Variants in NSMCE4A observed in about 807,000 individuals in gnomAD.
NSMCE4A encodes non-structural maintenance of chromosomes element 4 homolog A.
In NSMCE4A, 40 loss-of-function variants were observed where a neutral mutation model predicts 47.9. That is an observed-to-expected ratio of 0.83 (90% confidence interval 0.65 to 1.09). NSMCE4A has a LOEUF of 1.09. Ranked by LOEUF, NSMCE4A falls within the 50% of genes least tolerant of loss-of-function variation. The pLI is 0.00. For missense variants in NSMCE4A, 500 were observed against 507.0 expected (o/e 0.99, Z 0.13); for synonymous variants, 166 against 178.5 (o/e 0.93, Z 0.56).
In NSMCE4A at chr10:121,975,142, G is replaced by A; in HGVS notation, c.24C>T (p.Arg8=). Residue 8 remains arginine (R), a synonymous_variant, in exon 1 of 11, where the codon CGC becomes CGT. Coordinates refer to ENST00000369023, the MANE Select transcript of NSMCE4A (RefSeq NM_017615.3). The part of the protein sequence containing the change: MSGDSSG[R]GPEGRGRGRD... ...GGCCCCGGCCCCGGCCCTCTGGCCC[G>A]CGGCCGCTGCTGTCCCCAGACATAG... 1 of 1,406,992 alleles carries A rather than the reference G, an allele frequency of 7.1e-7. No homozygotes were observed. Among genetic ancestry groups the A allele is most frequent in the East Asian group, 3.0e-5 (1 of 32,878 alleles). The allele number at this position is 1,406,992 out of a possible 1,614,324, so 87.2% of individuals were successfully genotyped here.
intron 6 of NSMCE4A, 149 bp downstream of exon 6, chr10:121,963,089 A>G (rs1448148498): frequency 4.7e-6 from 2 of 427,304 alleles, no homozygotes; most frequent in East Asian, 6.9e-5. Context: ...AAGTTTTCAC[A>G]TGAAATTTCT....
rs11200287 is a variant in NSMCE4A, at chr10:121,961,518, C to T, written c.845-1G>A. ...TCAAAGAAGGACATTGGGGTATCAG[C>T]TATAGACAAAAAGAGAAAAAAAAAT... On this transcript the variant is annotated splice_acceptor_variant, in intron 6 of 10. Transcript: ENST00000369023. LOFTEE classifies it high-confidence loss of function. The T allele has an allele frequency of 6.5e-7, 1 of 1,545,252 alleles. No individual in the cohort carries two copies. The highest frequency in any genetic ancestry group is 8.7e-7 in the Non-Finnish European group (1 of 1,155,916).
chr10:121,963,795 G>A (rs896425541), intron 5 of NSMCE4A, among the ~76,000 whole-genome samples: 3 of 151,958 alleles, frequency 2.0e-5, no homozygotes, highest in African/African-American at 7.3e-5. Context: ...CAGGAGAATG[G>A]CATGAACCCG....
At chr10:121,971,574 T>C (rs1423113209) in intron 2 of NSMCE4A, among the ~76,000 whole-genome samples, 1 of 152,214 alleles carries the variant, frequency 6.6e-6, no homozygotes, top group Non-Finnish European at 1.5e-5. Context: ...TAATGAAAGC[T>C]GACCAGTCTT....
rs1220537416 is a variant in NSMCE4A, at chr10:121,971,170, T to A, written c.371-101A>T. 3.6e-5 allele frequency: 24 copies of A among 672,030 alleles called. No individual in the cohort carries two copies. Among genetic ancestry groups the A allele is most frequent in the South Asian group, 8.6e-5 (3 of 34,866 alleles). 41.6% of individuals were successfully genotyped at this position (672,030 alleles called of 1,614,324 possible). On this transcript the variant is annotated intron_variant, in intron 2 of 10. Transcript: ENST00000369023. ...TACTTACCAGGATTTCCCACTGGACTAAAAAAAAAAAAAAATCTCAATAGG... is the reference window on the plus strand; with the variant it reads ...TACTTACCAGGATTTCCCACTGGACAAAAAAAAAAAAAAAATCTCAATAGG...
At chr10:121,959,285 T>G (rs768815774) in intron 10 of NSMCE4A, 39 bp downstream of exon 10, 17 of 1,558,514 alleles carry the variant, frequency 1.1e-5, no homozygotes, top group Non-Finnish European at 1.2e-5. Context: ...CCAAATGAAC[T>G]TTAATAGAAC....
In NSMCE4A at chr10:121,965,286, C is replaced by T; in HGVS notation, c.753G>A (p.Gln251=). The change falls in exon 5 of 11, where the codon CAG becomes CAA. Residue 251 remains glutamine, a splice_region_variant and synonymous_variant. Transcript: ENST00000369023. ...VIQEERAMPA[Q]LRRMEESHQE... is the part of the protein sequence containing the mutation. ...TTAAAAGCAACATTTTAAAACAAAC[C>T]TGGGCAGGCATTGCCCTCTCCTCTT... 1 of 1,601,140 alleles carries T rather than the reference C, an allele frequency of 6.2e-7. No homozygotes were observed. The highest frequency in any genetic ancestry group is 8.5e-7 in the Non-Finnish European group (1 of 1,173,396).
At chr10:121,973,238 CAAAA>C (rs11327063) in intron 2 of NSMCE4A, among the ~76,000 whole-genome samples, 43 of 132,150 alleles carry the variant, frequency 3.3e-4, no homozygotes, top group Non-Finnish European at 5.0e-4. Flanking sequence ...TCTCAAACCT[CAAAA>C]AAAAAAAAAA....
chr10:121,960,372 C>A lies in NSMCE4A; in HGVS notation c.974G>T (p.Arg325Leu). ...GTATCATTTACCTATTACTGGCAGT[C>A]GGTCTTGGTCAAGTCTTATTCTTGC... ...GFARIRLDQD[R>L]LPVIEPVSIN... Residue 325 changes from arginine (R) to leucine (L), a missense_variant, in exon 8 of 11, where the codon CGA becomes CTA. By Grantham distance (102) the Arg-to-Leu change is moderately radical (BLOSUM62 -2). Transcript: ENST00000369023. This position sits in a 1 kb window ranked among gnomAD's most constrained non-coding sequence, Gnocchi z 4.2. 1.3e-6 allele frequency: 2 copies of A among 1,494,314 alleles called. No individual in the cohort carries two copies. Among genetic ancestry groups the A allele is most frequent in the Non-Finnish European group, 1.8e-6 (2 of 1,134,116 alleles). The allele number at this position is 1,494,314 out of a possible 1,614,324, so 92.6% of individuals were successfully genotyped here. A position where few individuals can be genotyped will look rare whatever the true frequency, so the allele number is the denominator to read the frequency against.
intron 6 of NSMCE4A, among the ~76,000 whole-genome samples, chr10:121,962,689 C>T (rs1174663986): frequency 4.0e-5 from 6 of 151,800 alleles, no homozygotes; most frequent in Middle Eastern, 3.4e-3. Flanking sequence ...CTTGGCTCAC[C>T]GCAACCTCTG....
Position 121,959,608 on chromosome 10 carries a change from C to T in NSMCE4A, c.989-13G>A, listed in dbSNP as rs749898997. 12 of 1,583,470 alleles carry T rather than the reference C, an allele frequency of 7.6e-6. No homozygotes were observed. In the South Asian group the frequency reaches 1.3e-4, roughly 18 times the overall value. On this transcript the variant is annotated splice_polypyrimidine_tract_variant and intron_variant, in intron 8 of 10. Coordinates refer to ENST00000369023, the MANE Select transcript of NSMCE4A (RefSeq NM_017615.3). ...ATACTAACAGGCTCTGTTTGAAAGA[C>T]AAATTTTTCAAATTTATCAAAGGTT...
chr10:121,964,567 G>T (rs570268560), intron 5 of NSMCE4A, among the ~76,000 whole-genome samples: 2 of 152,066 alleles, frequency 1.3e-5, no homozygotes, highest in African/African-American at 4.8e-5. Flanking sequence ...TCAGCCTCCC[G>T]AATAGCCCGG....
intron 10 of NSMCE4A, 54 bp downstream of exon 10, chr10:121,959,270 G>T (rs942849102): frequency 1.6e-5 from 23 of 1,472,842 alleles, no homozygotes; most frequent in Non-Finnish European, 1.9e-5. Context: ...GGATACTTTG[G>T]ATTGCCAAAT....
intron 3 of NSMCE4A, among the ~76,000 whole-genome samples, chr10:121,969,995 C>T (rs1369804503): frequency 6.6e-6 from 1 of 152,044 alleles, no homozygotes; most frequent in East Asian, 1.9e-4. Flanking sequence ...GGATTACAGG[C>T]GTGAGCCACT....
At chr10:121,966,254 G>T (rs1386147861) in intron 4 of NSMCE4A, 1 of 152,196 alleles carries the variant, frequency 6.6e-6, no homozygotes, top group Non-Finnish European at 1.5e-5. Context: ...GTCTGGAGAA[G>T]TTGCTGGAGG....
chr10:121,968,036 T>C (rs1952640089), intron 3 of NSMCE4A, among the ~76,000 whole-genome samples: 1 of 152,222 alleles, frequency 6.6e-6, no homozygotes. Flanking sequence ...TTAAAACCTT[T>C]GGGTGAGAAA....
At position 121,960,382 on chromosome 10, in the gene NSMCE4A, C is replaced by A; in HGVS notation, c.964G>T (p.Asp322Tyr). 6.7e-7 allele frequency: 1 copy of A among 1,500,380 alleles called. No homozygotes were observed. The highest frequency in any genetic ancestry group is 1.4e-5 in the South Asian group (1 of 69,980). The allele number at this position is 1,500,380 out of a possible 1,614,324, so 92.9% of individuals were successfully genotyped here. ...IRDGFARIRL[D>Y]QDRLPVIEPV... Reference sequence around the variant, plus strand: ...CCTATTACTGGCAGTCGGTCTTGGTCAAGTCTTATTCTTGCAAAACCATCC... The same window carrying A: ...CCTATTACTGGCAGTCGGTCTTGGTAAAGTCTTATTCTTGCAAAACCATCC... Residue 322 changes from aspartate to tyrosine, a missense_variant, in exon 8 of 11, where the codon GAC (aspartate) becomes TAC (tyrosine). Physicochemically the swap from Asp to Tyr is radical, Grantham distance 160. Coordinates refer to ENST00000369023, the MANE Select transcript of NSMCE4A (RefSeq NM_017615.3). The surrounding 1 kb of genome is among the most constrained non-coding windows in gnomAD (Gnocchi z 4.2).
At chr10:121,973,598 A>T (rs971823419) in intron 2 of NSMCE4A, among the ~76,000 whole-genome samples, 14 of 152,166 alleles carry the variant, frequency 9.2e-5, no homozygotes, top group Non-Finnish European at 1.8e-4. Context: ...AATAGCAGGG[A>T]GCTGAGGAAG....
chr10:121,974,862 G>A lies in NSMCE4A; in HGVS notation c.292+12C>T. The stretch of plus-strand genomic sequence containing the variant: ...CCGTCCGGGCCCGCGCCGCCCGGAG[G>A]CGCCGCCTTACGTTGGACGGAGTTG... On this transcript the variant is annotated intron_variant, in intron 1 of 10. Coordinates refer to ENST00000369023, the MANE Select transcript of NSMCE4A (RefSeq NM_017615.3). The A allele has an allele frequency of 2.0e-6, 3 of 1,463,788 alleles. No homozygotes were observed. The highest frequency in any genetic ancestry group is 1.8e-6 in the Non-Finnish European group (2 of 1,108,478). 90.7% of individuals were successfully genotyped at this position (1,463,788 alleles called of 1,614,324 possible).
Sources: gnomAD v4.1 joint callset for allele counts (sites outside exome capture counted in the v4.1 genomes callset) on GRCh38, gnomAD v4.1.1 for gene constraint, Gnocchi (gnomAD v3.1) non-coding constraint, MANE v1.5 for transcripts, NCBI Gene and HGNC (gene_info 2026-07-23, HGNC 2026-07-21) for gene names.